Variants in NRXN2 observed in about 807,000 individuals in gnomAD.
NRXN2 encodes the protein neurexin 2, also known as neurexin-2-beta.
NRXN2 carries 29 observed loss-of-function variants against 128.8 expected under a neutral mutation model. That is an observed-to-expected ratio of 0.23 (90% CI 0.17 to 0.31). The LOEUF (loss-of-function observed/expected upper bound fraction) is 0.31. Among genes scored for constraint, NRXN2 ranks in the 10% least tolerant of loss-of-function variants. NRXN2 has a pLI of 1.00. For missense variants in NRXN2, 1,881 were observed against 2,452.6 expected, an observed-to-expected ratio of 0.77 and a Z score of 4.92; for synonymous variants, 1,098 against 1,075.2, an observed-to-expected ratio of 1.02 and a Z score of -0.41.
chr11:64,618,705 A>C (rs2041894215), intron 22 of NRXN2, among the ~76,000 whole-genome samples: 1 of 152,178 alleles, frequency 6.6e-6, no homozygotes, highest in Non-Finnish European at 1.5e-5. Flanking sequence ...CAGGGGAAGA[A>C]GTAACAGCAC....
intron 11 of NRXN2, chr11:64,659,301 G>A (rs1392926578): frequency 6.6e-6 from 1 of 152,326 alleles, no homozygotes; most frequent in Non-Finnish European, 1.5e-5. Context: ...ATTCACTGCT[G>A]TAGCCCCTGG....
chr11:64,692,976 G>T, intron 3 of NRXN2, 100 bp from the exon 4 acceptor site: 1 of 1,058,098 alleles, frequency 9.5e-7, no homozygotes, highest in Non-Finnish European at 1.4e-6. Flanking sequence ...ATCAAAATCA[G>T]CCAGAGAGAA....
chr11:64,704,623 C>CACACACAG lies in NRXN2; in HGVS notation c.731-6832_731-6831insCTGTGTGT, dbSNP rs1336665936. On this transcript the variant is annotated intron_variant, in intron 2 of 22. Coordinates refer to ENST00000265459, the MANE Select transcript of NRXN2 (RefSeq NM_015080.4). Reference sequence around the variant, plus strand: ...TCACACACACACACACACACACACACAGAGAGAGAGAGAGAGAGAGAGAGA... The same window carrying CACACACAG: ...TCACACACACACACACACACACACACACACACAGAGAGAGAGAGAGAGAGAGAGAGAGA... Among the ~76,000 whole-genome samples, 187 of 81,212 alleles carry CACACACAG rather than the reference C, an allele frequency of 2.3e-3. 2 individuals are homozygous for CACACACAG. The highest frequency in any genetic ancestry group is 2.9e-3 in the Admixed American group (21 of 7,136). The allele number at this position is 81,212 out of a possible 152,430, so 53.3% of individuals were successfully genotyped here.
At chr11:64,640,212 A>G (rs540005330) in intron 17 of NRXN2, among the ~76,000 whole-genome samples, 40 of 152,040 alleles carry the variant, frequency 2.6e-4, no homozygotes, top group African/African-American at 9.4e-4. Context: ...AACATTCCAT[A>G]CCCTGTCCTC....
chr11:64,653,744 C>T lies in NRXN2; in HGVS notation c.2390-22G>A, dbSNP rs765947909. The T allele has an allele frequency of 3.2e-6, 5 of 1,562,834 alleles. No individual in the cohort carries two copies. The African/African-American group carries it at 5.4e-5, about 17-fold the overall frequency. ...CAGTCTGGGGGGGCCATGGGGCGGGCAGAGGGGAAGGGGAGACAAAAAGGT... is the reference window on the plus strand; with the variant it reads ...CAGTCTGGGGGGGCCATGGGGCGGGTAGAGGGGAAGGGGAGACAAAAAGGT... On this transcript the variant is annotated intron_variant, in intron 11 of 22. Coordinates refer to ENST00000265459, the MANE Select transcript of NRXN2 (RefSeq NM_015080.4).
At chr11:64,682,102 T>G (rs1258059252) in intron 6 of NRXN2, among the ~76,000 whole-genome samples, 1 of 149,786 alleles carries the variant, frequency 6.7e-6, no homozygotes, top group African/African-American at 2.5e-5. Flanking sequence ...GCATCCTTGG[T>G]GGACTCCAAC....
chr11:64,630,666 G>A lies in NRXN2; in HGVS notation c.3586-93C>T, dbSNP rs980147451. 1.2e-5 allele frequency: 17 copies of A among 1,443,720 alleles called. No homozygotes were observed. The highest frequency in any genetic ancestry group is 1.1e-4 in the South Asian group (9 of 85,206). 89.4% of individuals were successfully genotyped at this position (1,443,720 alleles called of 1,614,324 possible). On this transcript the variant is annotated intron_variant, in intron 18 of 22. Transcript: ENST00000265459. The surrounding 1 kb of genome is among the most constrained non-coding windows in gnomAD (Gnocchi z 4.6). ...CTGTGACCACCACTAGCCCAGCTCC[G>A]CAGCACTTAAGGCACCTTTCCCAGG... is the stretch of plus-strand genomic sequence containing the variant.
At chr11:64,615,763 C>A (rs2041375034) in intron 22 of NRXN2, among the ~76,000 whole-genome samples, 2 of 152,034 alleles carry the variant, frequency 1.3e-5, no homozygotes, top group South Asian at 4.1e-4. Flanking sequence ...CTTCTGTGTG[C>A]CACTGCATGG....
chr11:64,660,128 A>G lies in NRXN2; in HGVS notation c.2389+204T>C, dbSNP rs559637143. Among the ~76,000 whole-genome samples, 1 of 152,306 alleles carries G rather than the reference A, an allele frequency of 6.6e-6. No individual in the cohort carries two copies. Among genetic ancestry groups the G allele is most frequent in the Admixed American group, 6.5e-5 (1 of 15,298 alleles). ...GGTCTTGCCCCTCACAGTGTCGTCG[A>G]GCATGGAATGTCGCCCTACACTGTG... On this transcript the variant is annotated intron_variant, in intron 11 of 22. Coordinates refer to ENST00000265459, the MANE Select transcript of NRXN2 (RefSeq NM_015080.4). This position sits in a 1 kb window ranked among gnomAD's most constrained non-coding sequence, Gnocchi z 5.2.
chr11:64,608,104 A>G, intron 22 of NRXN2, 22 bp from the exon 23 acceptor site: 1 of 1,571,810 alleles, frequency 6.4e-7, no homozygotes, highest in Non-Finnish European at 8.6e-7. Context: ...GAGAGAAGAG[A>G]AAAGAGAGGG....
At chr11:64,692,929 G>A (rs1246062393) in intron 3 of NRXN2, 53 bp from the exon 4 acceptor site, 3 of 1,456,280 alleles carry the variant, frequency 2.1e-6, no homozygotes, top group Non-Finnish European at 1.9e-6. Context: ...GAAGAAAAAA[G>A]AAAGAAAAGG....
intron 11 of NRXN2, among the ~76,000 whole-genome samples, chr11:64,654,579 G>A (rs532626601): frequency 3.3e-5 from 5 of 152,262 alleles, no homozygotes; most frequent in African/African-American, 7.2e-5. Context: ...GGAAGGCCCC[G>A]TGTGGCTACA....
At chr11:64,653,580 C>A (rs534073) in intron 12 of NRXN2, 116 bp downstream of exon 12, 2 of 1,048,524 alleles carry the variant, frequency 1.9e-6, no homozygotes, top group East Asian at 2.6e-5. Flanking sequence ...CAAGGCCCAA[C>A]CCCCATTCGA....
chr11:64,624,073 GA>G (rs2042750018), intron 20 of NRXN2: 1 of 152,208 alleles, frequency 6.6e-6, no homozygotes, highest in African/African-American at 2.4e-5. Flanking sequence ...GGGGTGGGCA[GA>G]GGGCCTACCA....
In NRXN2 at chr11:64,660,771, C is replaced by T; in HGVS notation, c.2167G>A (p.Gly723Arg). Residue 723 changes from glycine (G) to arginine (R), a missense_variant, in exon 10 of 23, where the codon GGG (glycine) becomes AGG (arginine). Physicochemically the swap from Gly to Arg is moderately radical, Grantham distance 125. Around this residue, in one of 7 missense-constraint regions of NRXN2, gnomAD observed 997 missense variants for 1,240.8 expected, o/e 0.80. Transcript: ENST00000265459. The surrounding 1 kb of genome is among the most constrained non-coding windows in gnomAD (Gnocchi z 5.2). ...ICDCIGTGFL[G>R]RVCEREATVL... is the part of the protein sequence containing the mutation. The stretch of plus-strand genomic sequence containing the variant: ...GCCTCACCTCTCTCACAGACCCGCC[C>T]AAGAAAGCCGGTCCCGATGCAGTCA... 6.2e-7 allele frequency: 1 copy of T among 1,612,874 alleles called. No homozygotes were observed. Among genetic ancestry groups the T allele is most frequent in the Non-Finnish European group, 8.5e-7 (1 of 1,180,008 alleles).
At chr11:64,669,947 C>G (rs1040782917) in intron 7 of NRXN2, among the ~76,000 whole-genome samples, 3 of 152,114 alleles carry the variant, frequency 2.0e-5, no homozygotes, top group Non-Finnish European at 4.4e-5. Context: ...CATCCTATGC[C>G]CTCCTCACCC....
Position 64,607,181 on chromosome 11 carries a change from C to T in NRXN2, c.*15G>A, listed in dbSNP as rs762797357. On this transcript the variant is annotated 3_prime_UTR_variant, in exon 23 of 23. Transcript: ENST00000265459. ...CCAGGAGGGGCAGCTGGCAGTGGGGCGCAGTGCCGGGGGCTCAGACATAAT... is the reference window on the plus strand; with the variant it reads ...CCAGGAGGGGCAGCTGGCAGTGGGGTGCAGTGCCGGGGGCTCAGACATAAT... 1.2e-5 allele frequency: 20 copies of T among 1,609,282 alleles called. No homozygotes were observed. The highest frequency in any genetic ancestry group is 2.7e-5 in the African/African-American group (2 of 74,876).
chr11:64,686,406 T>G (rs1379915131), intron 5 of NRXN2, among the ~76,000 whole-genome samples: 4 of 152,188 alleles, frequency 2.6e-5, no homozygotes, highest in African/African-American at 9.6e-5. Flanking sequence ...CCTCCCTTCC[T>G]GCCCCTCCTC....
At chr11:64,610,851 A>G (rs180823806) in intron 22 of NRXN2, among the ~76,000 whole-genome samples, 1 of 152,150 alleles carries the variant, frequency 6.6e-6, no homozygotes, top group East Asian at 1.9e-4. Context: ...CCCTGCATGA[A>G]CCCTGAGTGC....
Sources: gnomAD v4.1 joint callset for allele counts (sites outside exome capture counted in the v4.1 genomes callset) on GRCh38, gnomAD v4.1.1 for gene constraint, gnomAD v4.1.1 regional missense constraint, Gnocchi (gnomAD v3.1) non-coding constraint, MANE v1.5 for transcripts, NCBI Gene and HGNC (gene_info 2026-07-23, HGNC 2026-07-21) for gene names.